Variants in SLC9A9 observed in about 807,000 individuals in gnomAD.
The protein encoded by SLC9A9 is sodium/hydrogen exchanger 9.
In SLC9A9, 62 loss-of-function variants were observed where a neutral mutation model predicts 77.8. That is an observed-to-expected ratio of 0.80 (90% CI 0.65 to 0.98). SLC9A9 has a LOEUF of 0.98. SLC9A9 is among the 50% of genes least tolerant of loss of function. The pLI is 0.00. For missense variants in SLC9A9, 775 were observed against 774.9 expected, an observed-to-expected ratio of 1.00 and a Z score of 0.00; for synonymous variants, 320 against 283.5, an observed-to-expected ratio of 1.13 and a Z score of -1.29.
At chr3:143,312,489 C>T (rs934285784) in intron 14 of SLC9A9, among the ~76,000 whole-genome samples, 1 of 152,246 alleles carries the variant, frequency 6.6e-6, no homozygotes, top group Admixed American at 6.5e-5. Flanking sequence ...GGGCATGGCC[C>T]TTCCAAGTGG....
chr3:143,512,309 GA>G (rs1310682003), intron 9 of SLC9A9, among the ~76,000 whole-genome samples: 1 of 152,160 alleles, frequency 6.6e-6, no homozygotes, highest in Non-Finnish European at 1.5e-5. Context: ...TTATCCTAAG[GA>G]AATAATGTAA....
intron 12 of SLC9A9, among the ~76,000 whole-genome samples, chr3:143,452,634 A>T (rs2108557514): frequency 6.6e-6 from 1 of 152,206 alleles, no homozygotes; most frequent in East Asian, 1.9e-4. Flanking sequence ...GTCAATTGTT[A>T]AAAAAATTTC....
intron 4 of SLC9A9, among the ~76,000 whole-genome samples, chr3:143,713,323 A>G (rs1388591180): frequency 6.6e-6 from 1 of 152,184 alleles, no homozygotes; most frequent in African/African-American, 2.4e-5. Context: ...TGTTTGGAAA[A>G]TGCCTCCTAA....
intron 8 of SLC9A9, among the ~76,000 whole-genome samples, chr3:143,560,849 T>C (rs2037072611): frequency 1.3e-5 from 2 of 152,234 alleles, no homozygotes; most frequent in African/African-American, 4.8e-5. Flanking sequence ...TAAATAAATG[T>C]ATCCACTGGA....
chr3:143,439,677 A>T (rs2034691005), intron 12 of SLC9A9, among the ~76,000 whole-genome samples: 1 of 152,190 alleles, frequency 6.6e-6, no homozygotes, highest in Non-Finnish European at 1.5e-5. Context: ...GGACTATGTC[A>T]TTCTTCCCTG....
At chr3:143,299,275 T>C (rs2030412352) in intron 14 of SLC9A9, among the ~76,000 whole-genome samples, 1 of 152,294 alleles carries the variant, frequency 6.6e-6, no homozygotes, top group Admixed American at 6.5e-5. Context: ...TTCAGCTTAG[T>C]TCAAAGCTAA....
At chr3:143,519,458 A>G (rs1340151070) in intron 9 of SLC9A9, among the ~76,000 whole-genome samples, 1 of 152,132 alleles carries the variant, frequency 6.6e-6, no homozygotes, top group Non-Finnish European at 1.5e-5. Context: ...AGAAGAGGAG[A>G]TAAGTGTGGG....
intron 7 of SLC9A9, among the ~76,000 whole-genome samples, chr3:143,577,481 G>C (rs1262623150): frequency 6.6e-6 from 1 of 152,092 alleles, no homozygotes; most frequent in Non-Finnish European, 1.5e-5. Context: ...GTTGGCCAAG[G>C]GTATTATACT....
intron 14 of SLC9A9, among the ~76,000 whole-genome samples, chr3:143,331,426 T>C (rs2031767336): frequency 2.0e-5 from 3 of 152,166 alleles, no homozygotes; most frequent in African/African-American, 7.2e-5. Context: ...TATTTTTGAG[T>C]CAGTGCTAGC....
At chr3:143,672,549 G>C (rs1018727088) in intron 5 of SLC9A9, among the ~76,000 whole-genome samples, 1 of 152,090 alleles carries the variant, frequency 6.6e-6, no homozygotes, top group Non-Finnish European at 1.5e-5. Flanking sequence ...GTTCCACGAT[G>C]AATGAAAAAT....
intron 4 of SLC9A9, among the ~76,000 whole-genome samples, chr3:143,725,783 G>A (rs1022494310): frequency 9.3e-5 from 14 of 150,268 alleles, no homozygotes; most frequent in African/African-American, 3.4e-4. Context: ...TATACCTAAT[G>A]CTAAATGACA....
intron 1 of SLC9A9, among the ~76,000 whole-genome samples, chr3:143,834,895 C>T (rs775058450): frequency 1.1e-4 from 16 of 152,138 alleles, no homozygotes; most frequent in African/African-American, 3.9e-4. Context: ...GTACCTCCCA[C>T]TCTGAGGAGG....
chr3:143,680,854 G>A (rs1933065535), intron 5 of SLC9A9, among the ~76,000 whole-genome samples: 1 of 151,962 alleles, frequency 6.6e-6, no homozygotes, highest in African/African-American at 2.4e-5. Flanking sequence ...CACTGACCAC[G>A]TGAACTACAT....
At chr3:143,472,520 C>G (rs2035395767) in intron 11 of SLC9A9, among the ~76,000 whole-genome samples, 1 of 152,160 alleles carries the variant, frequency 6.6e-6, no homozygotes, top group African/African-American at 2.4e-5. Context: ...GTCTTCAGAG[C>G]TCAAATGAGA....
intron 5 of SLC9A9, among the ~76,000 whole-genome samples, chr3:143,658,163 G>C (rs2038924398): frequency 6.6e-6 from 1 of 152,170 alleles, no homozygotes; most frequent in South Asian, 2.1e-4. Flanking sequence ...ACTGTGCCTG[G>C]CCTCTAATAT....
At chr3:143,742,252 C>T (rs1347163248) in intron 4 of SLC9A9, among the ~76,000 whole-genome samples, 1 of 152,128 alleles carries the variant, frequency 6.6e-6, no homozygotes, top group Non-Finnish European at 1.5e-5. Flanking sequence ...ATCAGCACAC[C>T]TGGCTCACTG....
At chr3:143,522,501 T>A (rs760902540) in intron 9 of SLC9A9, among the ~76,000 whole-genome samples, 1 of 152,156 alleles carries the variant, frequency 6.6e-6, no homozygotes, top group Non-Finnish European at 1.5e-5. Context: ...TCTTTTTCCA[T>A]TGATTCTAGA....
intron 12 of SLC9A9, among the ~76,000 whole-genome samples, chr3:143,450,688 C>T (rs1360569135): frequency 6.6e-6 from 1 of 152,104 alleles, no homozygotes; most frequent in Non-Finnish European, 1.5e-5. Flanking sequence ...GACAAAAGTG[C>T]TATACAAAAT....
intron 14 of SLC9A9, among the ~76,000 whole-genome samples, chr3:143,280,463 T>G (rs1412033181): frequency 6.6e-6 from 1 of 151,954 alleles, no homozygotes; most frequent in Non-Finnish European, 1.5e-5. Flanking sequence ...AAATCTCTTC[T>G]CCTCCTAGAC....
Sources: allele counts gnomAD v4.1 joint callset (sites outside exome capture counted in the v4.1 genomes callset), GRCh38; gene constraint gnomAD v4.1.1; transcripts MANE v1.5; gene names NCBI Gene and HGNC (gene_info 2026-07-23, HGNC 2026-07-21).